Variants in RANBP10 observed in about 807,000 individuals in gnomAD.
RANBP10 encodes ran-binding protein 10.
Under a neutral mutation model 72.8 loss-of-function variants are expected in RANBP10, and 24 were observed. That is an observed-to-expected ratio of 0.33 (90% CI 0.24 to 0.46). The LOEUF (loss-of-function observed/expected upper bound fraction) is 0.46, where lower values mean the gene tolerates loss of function less well. Ranked by LOEUF, RANBP10 falls within the 20% of genes least tolerant of loss-of-function variation. The pLI, the probability that RANBP10 is intolerant of heterozygous loss-of-function variation, is 1.00. For missense variants in RANBP10, 679 were observed against 817.5 expected, an observed-to-expected ratio of 0.83 and a Z score of 2.07; for synonymous variants, 310 against 322.3, an observed-to-expected ratio of 0.96 and a Z score of 0.41.
rs1421503187 is a variant in RANBP10, at chr16:67,734,896, G to A, written c.738C>T (p.Ile246=). 1 of 1,610,746 alleles carries A rather than the reference G, an allele frequency of 6.2e-7. No homozygotes were observed. Among genetic ancestry groups the A allele is most frequent in the Non-Finnish European group, 8.5e-7 (1 of 1,177,728 alleles). The change falls in exon 6 of 14, where the codon ATC becomes ATT. Residue 246 remains isoleucine, a synonymous_variant. Transcript: ENST00000317506. ...KVQGTVHCFP[I]SARLGEWQAV... Reference sequence around the variant, plus strand: ...CCTGCCACTCGCCAAGCCGGGCACTGATGGGGAAGCAGTGGACCGTGCCCT... The same window carrying A: ...CCTGCCACTCGCCAAGCCGGGCACTAATGGGGAAGCAGTGGACCGTGCCCT...
chr16:67,767,405 C>T (rs556029865), intron 3 of RANBP10, among the ~76,000 whole-genome samples: 10 of 144,330 alleles, frequency 6.9e-5, no homozygotes, highest in South Asian at 2.2e-4. Context: ...TGCAGTGAGC[C>T]GTGACCACTC....
At chr16:67,784,668 A>C (rs1253486148) in intron 2 of RANBP10, among the ~76,000 whole-genome samples, 2 of 152,036 alleles carry the variant, frequency 1.3e-5, no homozygotes, top group African/African-American at 4.8e-5. Flanking sequence ...AAAAAAAAAA[A>C]ATTAACCTAG....
chr16:67,760,919 TGC>T (rs2054383615), intron 3 of RANBP10, among the ~76,000 whole-genome samples: 2 of 152,076 alleles, frequency 1.3e-5, no homozygotes, highest in African/African-American at 4.8e-5. Flanking sequence ...CCCCTTAAAG[TGC>T]CAAGCCTGGG....
intron 2 of RANBP10, among the ~76,000 whole-genome samples, chr16:67,772,404 C>T (rs1346187069): frequency 6.6e-6 from 1 of 152,150 alleles, no homozygotes; most frequent in Non-Finnish European, 1.5e-5. Context: ...GTAGCTAAGG[C>T]ACAGAATCTA....
chr16:67,754,087 C>G (rs551734888), intron 3 of RANBP10, among the ~76,000 whole-genome samples: 2 of 149,454 alleles, frequency 1.3e-5, no homozygotes, highest in Non-Finnish European at 3.0e-5. Flanking sequence ...GAGCAGAGAT[C>G]GCACCACTGC....
At chr16:67,788,696 T>A (rs990718263) in intron 2 of RANBP10, among the ~76,000 whole-genome samples, 4 of 150,380 alleles carry the variant, frequency 2.7e-5, no homozygotes, top group Admixed American at 2.7e-4. Flanking sequence ...GCCCCCAAAA[T>A]TTTTTTTTAA....
chr16:67,734,455 G>T (rs2053798645), intron 6 of RANBP10, among the ~76,000 whole-genome samples: 1 of 152,228 alleles, frequency 6.6e-6, no homozygotes, highest in African/African-American at 2.4e-5. Flanking sequence ...GTTGGATGCT[G>T]GGCCCTGTGA....
chr16:67,792,439 G>A (rs924143276), intron 2 of RANBP10, among the ~76,000 whole-genome samples: 2 of 151,914 alleles, frequency 1.3e-5, no homozygotes, highest in Non-Finnish European at 1.5e-5. Flanking sequence ...GCGGACGCCT[G>A]TAGTCCCAGC....
At chr16:67,737,887 G>T in intron 5 of RANBP10, 126 bp downstream of exon 5, 2 of 1,280,596 alleles carry the variant, frequency 1.6e-6, no homozygotes, top group Non-Finnish European at 2.2e-6. Context: ...CAAGCTGACA[G>T]CATGGCACAC....
At chr16:67,767,687 C>T (rs1331712854) in intron 3 of RANBP10, among the ~76,000 whole-genome samples, 3 of 151,992 alleles carry the variant, frequency 2.0e-5, no homozygotes, top group Admixed American at 6.6e-5. Flanking sequence ...AGCTCTGTCT[C>T]CCAGGTTCAC....
At chr16:67,784,395 G>A (rs1026886352) in intron 2 of RANBP10, among the ~76,000 whole-genome samples, 2 of 152,122 alleles carry the variant, frequency 1.3e-5, no homozygotes, top group Non-Finnish European at 2.9e-5. Context: ...GGTGGCTCAC[G>A]CCTGTAATCC....
At chr16:67,771,197 G>C (rs2054600771) in intron 3 of RANBP10, among the ~76,000 whole-genome samples, 1 of 151,562 alleles carries the variant, frequency 6.6e-6, no homozygotes, top group Admixed American at 6.6e-5. Flanking sequence ...CGAGGCTGCA[G>C]TAAACTGTGA....
chr16:67,748,665 G>T (rs73591955), intron 3 of RANBP10, among the ~76,000 whole-genome samples: 20,814 of 152,082 alleles, frequency 0.14, 1,642 homozygotes, highest in African/African-American at 0.21. Flanking sequence ...CTGCACCAAG[G>T]TGTTAGAAAA....
At chr16:67,744,081 G>A in intron 4 of RANBP10, 1 of 984,404 alleles carries the variant, frequency 1.0e-6, no homozygotes, top group Non-Finnish European at 1.2e-6. Context: ...ATCCTCCCTG[G>A]GCTGGATAAA....
chr16:67,746,796 G>T (rs981070111), intron 3 of RANBP10, among the ~76,000 whole-genome samples: 1 of 152,154 alleles, frequency 6.6e-6, no homozygotes, highest in African/African-American at 2.4e-5. Flanking sequence ...GAGGTGTCTT[G>T]CCTGGCTTCT....
intron 2 of RANBP10, among the ~76,000 whole-genome samples, chr16:67,795,370 T>C (rs558187367): frequency 6.6e-6 from 1 of 151,214 alleles, no homozygotes; most frequent in East Asian, 2.0e-4. Context: ...AGAAACCCTG[T>C]CTTTACTAAA....
chr16:67,738,927 T>A (rs2053912551), intron 4 of RANBP10: 1 of 152,056 alleles, frequency 6.6e-6, no homozygotes, highest in Admixed American at 6.6e-5. Context: ...ATACTTCTCT[T>A]GATTTAACAC....
chr16:67,805,416 T>C lies in RANBP10; in HGVS notation c.347+12A>G. The C allele has an allele frequency of 6.2e-7, 1 of 1,609,024 alleles. No homozygotes were observed. The highest frequency in any genetic ancestry group is 8.5e-7 in the Non-Finnish European group (1 of 1,175,868). ...CATGATCAGGGAAAGAGGGTGGTCATGAAGGGCTTACCCATCTCTTCCTTT... is the reference window on the plus strand; with the variant it reads ...CATGATCAGGGAAAGAGGGTGGTCACGAAGGGCTTACCCATCTCTTCCTTT... On this transcript the variant is annotated intron_variant, in intron 2 of 13. Coordinates refer to ENST00000317506, the MANE Select transcript of RANBP10 (RefSeq NM_020850.3).
intron 2 of RANBP10, among the ~76,000 whole-genome samples, chr16:67,789,805 TA>T (rs946835709): frequency 6.6e-6 from 1 of 151,000 alleles, no homozygotes; most frequent in Non-Finnish European, 1.5e-5. Context: ...AATAAATAAA[TA>T]AGAAGAAATG....
Sources: allele counts gnomAD v4.1 joint callset (sites outside exome capture counted in the v4.1 genomes callset), GRCh38; gene constraint gnomAD v4.1.1; transcripts MANE v1.5; gene names NCBI Gene and HGNC (gene_info 2026-07-23, HGNC 2026-07-21).